Variants in MAP2 observed in about 807,000 individuals in gnomAD.
MAP2 encodes the protein microtubule associated protein 2, also known as microtubule-associated protein 2.
Under a neutral mutation model 137.6 loss-of-function variants are expected in MAP2, and 14 were observed. The observed-to-expected ratio is 0.10, with a 90% CI of 0.07 to 0.16. The LOEUF (loss-of-function observed/expected upper bound fraction) is 0.16, where lower values mean the gene tolerates loss of function less well. Ranked by LOEUF, MAP2 falls within the 10% of genes least tolerant of loss-of-function variation. The pLI, the probability that MAP2 is intolerant of heterozygous loss-of-function variation, is 1.00. For missense variants in MAP2, 2,088 were observed against 2,191.5 expected (o/e 0.95, Z 0.94); for synonymous variants, 786 against 782.3 (o/e 1.00, Z -0.08).
chr2:209,725,835 T>C (rs773874783), intron 14 of MAP2, 45 bp downstream of exon 14: 2 of 1,358,454 alleles, frequency 1.5e-6, no homozygotes, highest in Non-Finnish European at 2.0e-6. Context: ...TTAACTGGAA[T>C]CAAGAAAGGG....
chr2:209,640,553 A>C (rs76529393), intron 4 of MAP2, among the ~76,000 whole-genome samples: 1 of 78,622 alleles, frequency 1.3e-5, no homozygotes, highest in East Asian at 3.5e-4. Flanking sequence ...AAAGAAATGC[A>C]AAAAAAAAAA....
Position 209,697,002 on chromosome 2 carries a change from C to T in MAP2, c.4473C>T (p.Ile1491=). 1 of 1,613,350 alleles carries T rather than the reference C, an allele frequency of 6.2e-7. No homozygotes were observed. Among genetic ancestry groups the T allele is most frequent in the Non-Finnish European group, 8.5e-7 (1 of 1,179,810 alleles). Residue 1491 remains isoleucine (I), a synonymous_variant, in exon 10 of 16, where the codon ATC becomes ATT. Transcript: ENST00000682079. ...GGAAATTCATTTTAAAACCTGCTAT[C>T]AAATATACTAGACCAACTCATCTCT... ...PSRKFILKPA[I]KYTRPTHLSC...
chr2:209,561,676 A>T (rs1006661008), intron 2 of MAP2, among the ~76,000 whole-genome samples: 2 of 152,264 alleles, frequency 1.3e-5, no homozygotes, highest in Non-Finnish European at 2.9e-5. Flanking sequence ...TTAAGAAAAT[A>T]TGATTACTTC....
intron 5 of MAP2, among the ~76,000 whole-genome samples, chr2:209,663,744 G>A (rs1005933701): frequency 8.5e-5 from 13 of 152,130 alleles, no homozygotes; most frequent in Admixed American, 2.6e-4. Context: ...GTAAACACAG[G>A]TCAAAGTGAT....
chr2:209,460,841 C>A (rs892848550), intron 1 of MAP2, among the ~76,000 whole-genome samples: 2 of 151,966 alleles, frequency 1.3e-5, no homozygotes, highest in Non-Finnish European at 2.9e-5. Context: ...CTCTGCCTCC[C>A]GGGTTCAAGT....
chr2:209,459,073 A>G (rs1262952905), intron 1 of MAP2, among the ~76,000 whole-genome samples: 2 of 152,212 alleles, frequency 1.3e-5, no homozygotes, highest in African/African-American at 4.8e-5. Flanking sequence ...TCTGTAAGAC[A>G]TTTTAATTTT....
intron 1 of MAP2, among the ~76,000 whole-genome samples, chr2:209,444,256 A>T (rs1328586231): frequency 6.6e-6 from 1 of 151,596 alleles, no homozygotes; most frequent in Non-Finnish European, 1.5e-5. Flanking sequence ...TCGGGGACTA[A>T]AATTTGAAAT....
At chr2:209,574,430 GAT>G (rs2074960547) in intron 2 of MAP2, among the ~76,000 whole-genome samples, 1 of 97,126 alleles carries the variant, frequency 1.0e-5, no homozygotes, top group African/African-American at 4.7e-5. Flanking sequence ...GCATAGTATA[GAT>G]ACACACACAC....
intron 3 of MAP2, among the ~76,000 whole-genome samples, chr2:209,601,689 A>G (rs1005884708): frequency 3.3e-5 from 5 of 152,168 alleles, no homozygotes; most frequent in African/African-American, 7.2e-5. Context: ...TTCATCAGTA[A>G]TGATTCTTGA....
chr2:209,678,968 A>G (rs143562737), intron 6 of MAP2, among the ~76,000 whole-genome samples: 47 of 152,192 alleles, frequency 3.1e-4, no homozygotes, highest in South Asian at 8.3e-4. Context: ...AATAGTTATT[A>G]TTAAAATAAA....
At chr2:209,488,135 G>A (rs903719955) in intron 1 of MAP2, among the ~76,000 whole-genome samples, 9 of 152,262 alleles carry the variant, frequency 5.9e-5, no homozygotes, top group East Asian at 1.9e-4. Context: ...CATGGAGGTC[G>A]AGCAGAAGCA....
rs564661367 is a variant in MAP2, at chr2:209,625,522, A to G, written c.-30+393A>G. 8.5e-5 allele frequency among the ~76,000 whole-genome samples: 13 copies of G among 152,272 alleles called. No homozygotes were observed. The East Asian group carries it at 2.3e-3, about 27-fold the overall frequency. On this transcript the variant is annotated intron_variant, in intron 4 of 15. Coordinates refer to ENST00000682079, the MANE Select transcript of MAP2 (RefSeq NM_001375505.1). The stretch of plus-strand genomic sequence containing the variant: ...CTTACAACAGTTCTATGACGTAGAT[A>G]TGGGGATCATCCCCATTTTAGAGAT...
At chr2:209,562,780 AT>A (rs2072478256) in intron 2 of MAP2, among the ~76,000 whole-genome samples, 2 of 152,204 alleles carry the variant, frequency 1.3e-5, no homozygotes, top group South Asian at 4.1e-4. Flanking sequence ...CCCAGCGGTG[AT>A]TGCACACCAG....
At chr2:209,709,167 T>A (rs1040002979) in intron 12 of MAP2, among the ~76,000 whole-genome samples, 2 of 152,192 alleles carry the variant, frequency 1.3e-5, no homozygotes, top group Non-Finnish European at 2.9e-5. Flanking sequence ...AACTCTAAAC[T>A]GCCAAGCTAG....
At chr2:209,590,954 T>A (rs2079078102) in intron 3 of MAP2, among the ~76,000 whole-genome samples, 1 of 152,226 alleles carries the variant, frequency 6.6e-6, no homozygotes, top group Admixed American at 6.5e-5. Context: ...TTAATGCATA[T>A]TATATGCCAA....
chr2:209,561,647 A>G (rs567304895), intron 2 of MAP2, among the ~76,000 whole-genome samples: 47 of 152,368 alleles, frequency 3.1e-4, no homozygotes, highest in African/African-American at 1.1e-3. Context: ...TATTACTTAT[A>G]GACACATAAA....
chr2:209,671,974 G>GCT (rs57798778), intron 5 of MAP2, among the ~76,000 whole-genome samples: 30,518 of 151,500 alleles, frequency 0.2, 4,558 homozygotes, highest in African/African-American at 0.43. Flanking sequence ...CATCTCCATT[G>GCT]GTTATTTTTA....
chr2:209,467,710 G>T (rs1351925111), intron 1 of MAP2, among the ~76,000 whole-genome samples: 1 of 152,180 alleles, frequency 6.6e-6, no homozygotes, highest in Non-Finnish European at 1.5e-5. Flanking sequence ...GAAGAGGCAA[G>T]ATAATAAAGA....
At chr2:209,725,130 G>A (rs1298478528) in intron 13 of MAP2, among the ~76,000 whole-genome samples, 1 of 152,096 alleles carries the variant, frequency 6.6e-6, no homozygotes, top group Non-Finnish European at 1.5e-5. Flanking sequence ...TCAAATATTG[G>A]GAGAGGAAAT....
Sources: gnomAD v4.1 joint callset for allele counts (sites outside exome capture counted in the v4.1 genomes callset) on GRCh38, gnomAD v4.1.1 for gene constraint, MANE v1.5 for transcripts, NCBI Gene and HGNC (gene_info 2026-07-23, HGNC 2026-07-21) for gene names.